Variants in CACNA2D3 observed in about 807,000 individuals in gnomAD.
The protein encoded by CACNA2D3 is voltage-dependent calcium channel subunit alpha-2/delta-3.
Under a neutral mutation model 160.6 loss-of-function variants are expected in CACNA2D3, and 60 were observed. The observed-to-expected ratio is 0.37, with a 90% CI of 0.30 to 0.46. The LOEUF (loss-of-function observed/expected upper bound fraction) is 0.46, where lower values mean the gene tolerates loss of function less well. CACNA2D3 is among the 20% of genes least tolerant of loss of function. The pLI is 1.00. For missense variants in CACNA2D3, 1,205 were observed against 1,365.0 expected (o/e 0.88, Z 1.85); for synonymous variants, 558 against 492.9 (o/e 1.13, Z -1.75).
At chr3:54,201,822 G>A (rs569856297) in intron 2 of CACNA2D3, among the ~76,000 whole-genome samples, 2 of 152,120 alleles carry the variant, frequency 1.3e-5, no homozygotes, top group African/African-American at 4.8e-5. Context: ...TTGGACAAAG[G>A]TATAAAAACA....
Position 54,294,743 on chromosome 3 carries a change from A to G in CACNA2D3, c.205-25699A>G, listed in dbSNP as rs558339606. On this transcript the variant is annotated intron_variant, in intron 2 of 37. Transcript: ENST00000474759. ...AGTGCAGGGTGGTGCTAGTTTAGGGAAAAAAAATAAAGAGATAGAGCTGGA... is the reference window on the plus strand; with the variant it reads ...AGTGCAGGGTGGTGCTAGTTTAGGGGAAAAAAATAAAGAGATAGAGCTGGA... 2.8e-3 allele frequency among the ~76,000 whole-genome samples: 430 copies of G among 152,088 alleles called. 2 individuals are homozygous for G. The highest frequency in any genetic ancestry group is 9.5e-3 in the African/African-American group (394 of 41,460).
At chr3:54,803,674 A>G (rs1437569611) in intron 13 of CACNA2D3, among the ~76,000 whole-genome samples, 9 of 152,156 alleles carry the variant, frequency 5.9e-5, no homozygotes, top group African/African-American at 1.9e-4. Flanking sequence ...AGCAAGGCAG[A>G]CCAACATTCA....
At chr3:54,433,425 C>T (rs1700017488) in intron 4 of CACNA2D3, among the ~76,000 whole-genome samples, 1 of 152,158 alleles carries the variant, frequency 6.6e-6, no homozygotes, top group Admixed American at 6.5e-5. Context: ...AAATAGCTTT[C>T]CTTTGATCAA....
At chr3:54,862,062 A>G (rs116378820) in intron 17 of CACNA2D3, among the ~76,000 whole-genome samples, 3,967 of 152,294 alleles carry the variant, frequency 0.026, 68 homozygotes, top group Non-Finnish European at 0.04. Flanking sequence ...AGACGGACCA[A>G]TGATGGACAA....
intron 4 of CACNA2D3, among the ~76,000 whole-genome samples, chr3:54,389,598 G>A (rs902652836): frequency 2.0e-5 from 3 of 152,186 alleles, no homozygotes; most frequent in Non-Finnish European, 2.9e-5. Flanking sequence ...GTGACATCAA[G>A]TGCCTCCAGA....
chr3:54,221,645 C>G (rs1301005301), intron 2 of CACNA2D3, among the ~76,000 whole-genome samples: 2 of 152,004 alleles, frequency 1.3e-5, no homozygotes, highest in African/African-American at 4.8e-5. Context: ...ATGCCAGTAC[C>G]CAAATTCACA....
intron 9 of CACNA2D3, among the ~76,000 whole-genome samples, chr3:54,597,413 CCTCT>C: frequency 6.6e-6 from 1 of 152,162 alleles, no homozygotes; most frequent in South Asian, 2.1e-4. Context: ...TGCTCCTTGA[CCTCT>C]CTCTCCCACC....
chr3:55,071,424 A>C (rs1242343468), intron 35 of CACNA2D3, among the ~76,000 whole-genome samples: 1 of 152,174 alleles, frequency 6.6e-6, no homozygotes, highest in Non-Finnish European at 1.5e-5. Flanking sequence ...CAGGTTTTAA[A>C]TACTTTTTAA....
chr3:54,201,312 G>A (rs1023554786), intron 2 of CACNA2D3, among the ~76,000 whole-genome samples: 3 of 152,166 alleles, frequency 2.0e-5, no homozygotes, highest in African/African-American at 7.2e-5. Flanking sequence ...GCTGAATATT[G>A]AGATGAGATA....
chr3:54,234,948 C>A (rs556017739), intron 2 of CACNA2D3, among the ~76,000 whole-genome samples: 62 of 152,190 alleles, frequency 4.1e-4, no homozygotes, highest in African/African-American at 1.5e-3. Flanking sequence ...ATATGTACAA[C>A]AAACCCCCAA....
chr3:54,523,336 G>A (rs1287732788), intron 5 of CACNA2D3, among the ~76,000 whole-genome samples: 1 of 152,060 alleles, frequency 6.6e-6, no homozygotes, highest in Non-Finnish European at 1.5e-5. Context: ...TTGATTTGGT[G>A]TATTAGATTA....
chr3:54,192,674 G>T (rs1234639651), intron 2 of CACNA2D3, among the ~76,000 whole-genome samples: 1 of 148,732 alleles, frequency 6.7e-6, no homozygotes, highest in Non-Finnish European at 1.5e-5. Flanking sequence ...TATGTGAGGT[G>T]TGTGTGTGTG....
In CACNA2D3 at chr3:54,825,095, CTT is replaced by C. The variant is rs1703724043; in HGVS notation, c.1398+8228_1398+8229del. Among the ~76,000 whole-genome samples, 5 of 152,272 alleles carry C rather than the reference CTT, an allele frequency of 3.3e-5. No homozygotes were observed. The South Asian group carries it at 1.0e-3, about 32-fold the overall frequency. ...TCAAGCACAGTTATAAAATATGACTCTTTTAAGGTGCTAAAACAATACAAACT... is the reference window on the plus strand; with the variant it reads ...TCAAGCACAGTTATAAAATATGACTCTTAAGGTGCTAAAACAATACAAACT... On this transcript the variant is annotated intron_variant, in intron 14 of 37. Transcript: ENST00000474759.
At chr3:54,253,117 T>A (rs372338363) in intron 2 of CACNA2D3, among the ~76,000 whole-genome samples, 12,012 of 152,072 alleles carry the variant, frequency 0.079, 614 homozygotes, top group Non-Finnish European at 0.11. Context: ...CTTTTTTTTT[T>A]TTTTTGCTCA....
intron 27 of CACNA2D3, among the ~76,000 whole-genome samples, chr3:54,914,618 CTGAAAG>C (rs984693889): frequency 6.6e-6 from 1 of 152,164 alleles, no homozygotes; most frequent in African/African-American, 2.4e-5. Flanking sequence ...AAAAAAGAAT[CTGAAAG>C]GGAAGTGGTT....
chr3:54,896,654 C>T, intron 25 of CACNA2D3, 95 bp from the exon 26 acceptor site: 1 of 1,485,802 alleles, frequency 6.7e-7, no homozygotes, highest in East Asian at 2.3e-5. Flanking sequence ...TAAAAGTGAA[C>T]ACTGGTTTTA....
intron 17 of CACNA2D3, among the ~76,000 whole-genome samples, chr3:54,856,657 C>G (rs961225302): frequency 6.6e-6 from 1 of 152,154 alleles, no homozygotes; most frequent in African/African-American, 2.4e-5. Flanking sequence ...AATAAAAATA[C>G]TACACAATTT....
intron 27 of CACNA2D3, among the ~76,000 whole-genome samples, chr3:54,900,316 A>G (rs939563550): frequency 1.3e-5 from 2 of 152,100 alleles, no homozygotes; most frequent in Non-Finnish European, 2.9e-5. Flanking sequence ...CCCCCTGGGG[A>G]ATTAGAGTTA....
intron 2 of CACNA2D3, among the ~76,000 whole-genome samples, chr3:54,247,459 G>A (rs1702103007): frequency 6.6e-6 from 1 of 152,118 alleles, no homozygotes; most frequent in Non-Finnish European, 1.5e-5. Context: ...AGTGAGGAAA[G>A]CATTGGAAAT....
Sources: gnomAD v4.1 joint callset for allele counts (sites outside exome capture counted in the v4.1 genomes callset) on GRCh38, gnomAD v4.1.1 for gene constraint, MANE v1.5 for transcripts, NCBI Gene and HGNC (gene_info 2026-07-23, HGNC 2026-07-21) for gene names.